METTL8: variants seen among roughly 807,000 people sequenced by gnomAD.
The protein encoded by METTL8 is methyltransferase 8, tRNA N3-cytidine.
Under a neutral mutation model 48.7 loss-of-function variants are expected in METTL8, and 32 were observed. That is an observed-to-expected ratio of 0.66 (90% CI 0.50 to 0.88). The LOEUF is 0.88. METTL8 is among the 40% of genes least tolerant of loss of function. The pLI is 0.00. For missense variants in METTL8, 464 were observed against 474.4 expected, an observed-to-expected ratio of 0.98 and a Z score of 0.20; for synonymous variants, 136 against 157.1, an observed-to-expected ratio of 0.87 and a Z score of 1.01.
chr2:171,361,716 C>A (rs2105475947), intron 2 of METTL8, among the ~76,000 whole-genome samples: 1 of 152,170 alleles, frequency 6.6e-6, no homozygotes, highest in Admixed American at 6.5e-5. Context: ...CAGAATTCAC[C>A]TAGGTTTGTG....
chr2:171,403,180 A>G (rs1022995077), intron 1 of METTL8, among the ~76,000 whole-genome samples: 1 of 152,162 alleles, frequency 6.6e-6, no homozygotes, highest in Non-Finnish European at 1.5e-5. Flanking sequence ...TCAGTGTGGA[A>G]AGGGGGAAAA....
intron 5 of METTL8, 153 bp from the exon 6 acceptor site, chr2:171,332,020 G>T: frequency 1.8e-6 from 1 of 559,368 alleles, no homozygotes; most frequent in Non-Finnish European, 3.2e-6. Context: ...TGAGTAGCTA[G>T]GACTACAGAT....
intron 1 of METTL8, among the ~76,000 whole-genome samples, chr2:171,425,396 A>T (rs1351390250): frequency 1.3e-5 from 2 of 152,194 alleles, no homozygotes; most frequent in Non-Finnish European, 2.9e-5. Flanking sequence ...TGTGAAAATG[A>T]TGGACAGTCA....
upstream of METTL8, chr2:171,434,213 T>G: frequency 2.4e-6 from 1 of 423,130 alleles, no homozygotes; most frequent in Non-Finnish European, 4.8e-6. Context: ...CTGACGGGAA[T>G]TGTAGTTCCT....
intron 2 of METTL8, among the ~76,000 whole-genome samples, chr2:171,364,734 T>C (rs1026008083): frequency 3.9e-5 from 6 of 152,196 alleles, no homozygotes; most frequent in African/African-American, 1.2e-4. Context: ...TTGATAATCT[T>C]ACCTAGAGAA....
At chr2:171,363,808 A>ATATATG (rs2105481217) in intron 2 of METTL8, among the ~76,000 whole-genome samples, 1 of 137,060 alleles carries the variant, frequency 7.3e-6, no homozygotes, top group South Asian at 2.2e-4. Context: ...ATATATATAT[A>ATATATG]TATATATCTT....
intron 5 of METTL8, among the ~76,000 whole-genome samples, chr2:171,336,503 G>A (rs1204530946): frequency 6.9e-6 from 1 of 144,188 alleles, no homozygotes; most frequent in Non-Finnish European, 1.5e-5. Flanking sequence ...CCGGGTTCAC[G>A]CCATTCTCCT....
At chr2:171,400,300 C>T (rs979978117) in intron 1 of METTL8, among the ~76,000 whole-genome samples, 3 of 152,112 alleles carry the variant, frequency 2.0e-5, no homozygotes, top group African/African-American at 7.2e-5. Flanking sequence ...CTTTTTTGAA[C>T]AGCATTATTA....
chr2:171,338,695 C>A (rs910550635), intron 4 of METTL8, among the ~76,000 whole-genome samples: 6 of 151,136 alleles, frequency 4.0e-5, no homozygotes, highest in Non-Finnish European at 8.8e-5. Context: ...GTGGTGAAAT[C>A]CTTTGTTTGT....
chr2:171,335,930 T>TA (rs1272000677), intron 5 of METTL8, among the ~76,000 whole-genome samples: 2 of 151,738 alleles, frequency 1.3e-5, no homozygotes, highest in Non-Finnish European at 2.9e-5. Flanking sequence ...AATGTGAACT[T>TA]AAAAAAAATG....
In METTL8 at chr2:171,426,245, C is replaced by A. The variant is rs1003651128; in HGVS notation, c.-13+7638G>T. Among the ~76,000 whole-genome samples, 24 of 151,816 alleles carry A rather than the reference C, an allele frequency of 1.6e-4. 1 individual carries two copies. Among genetic ancestry groups the A allele is most frequent in the Middle Eastern group, 3.4e-3 (1 of 294 alleles). ...ATAAATTAATTGTAATAAATTTATACAAGGAAATACTACACAGTAGTAAAC... is the reference window on the plus strand; with the variant it reads ...ATAAATTAATTGTAATAAATTTATAAAAGGAAATACTACACAGTAGTAAAC... On this transcript the variant is annotated intron_variant, in intron 1 of 9. Transcript: ENST00000375258.
intron 2 of METTL8, among the ~76,000 whole-genome samples, chr2:171,374,693 TG>T (rs1263213996): frequency 3.1e-5 from 4 of 129,610 alleles, no homozygotes; most frequent in African/African-American, 1.1e-4. Flanking sequence ...TAGCATCCAC[TG>T]ATTTGCCTTC....
chr2:171,411,954 G>A (rs1424386190), intron 1 of METTL8, among the ~76,000 whole-genome samples: 1 of 151,962 alleles, frequency 6.6e-6, no homozygotes, highest in Non-Finnish European at 1.5e-5. Context: ...AGCAGGAAAT[G>A]TGCTAATGCT....
chr2:171,330,473 A>G, intron 7 of METTL8, 86 bp downstream of exon 7: 1 of 1,312,518 alleles, frequency 7.6e-7, no homozygotes, highest in Non-Finnish European at 1.1e-6. Flanking sequence ...AAATTCAAAA[A>G]TTGTCATTTT....
chr2:171,373,751 T>G (rs1021949914), intron 2 of METTL8, among the ~76,000 whole-genome samples: 4 of 152,134 alleles, frequency 2.6e-5, no homozygotes, highest in East Asian at 1.9e-4. Flanking sequence ...TTTCCCCATT[T>G]CTTGTTTTTG....
intron 3 of METTL8, among the ~76,000 whole-genome samples, chr2:171,355,521 AG>A (rs1684433520): frequency 1.3e-5 from 2 of 152,232 alleles, no homozygotes; most frequent in South Asian, 4.1e-4. Flanking sequence ...TTAAGTCTGC[AG>A]AAGCTTCTGC....
At chr2:171,352,164 G>C (rs1474795550) in intron 3 of METTL8, among the ~76,000 whole-genome samples, 2 of 152,174 alleles carry the variant, frequency 1.3e-5, no homozygotes, top group Non-Finnish European at 2.9e-5. Context: ...AGTTGTTTTA[G>C]CAAGAAGGGC....
chr2:171,360,631 T>C (rs891905527), intron 2 of METTL8, 118 bp from the exon 3 acceptor site: 2 of 789,972 alleles, frequency 2.5e-6, no homozygotes, highest in African/African-American at 3.5e-5. Flanking sequence ...ACAGACTAAT[T>C]CCACATGGAA....
At chr2:171,324,553 T>C (rs1171667548) in intron 9 of METTL8, among the ~76,000 whole-genome samples, 191 bp from the exon 10 acceptor site, 1 of 152,170 alleles carries the variant, frequency 6.6e-6, no homozygotes, top group African/African-American at 2.4e-5. Context: ...ACACCATGCA[T>C]ATAAAAATAC....
Sources: gnomAD v4.1 joint callset for allele counts (sites outside exome capture counted in the v4.1 genomes callset) on GRCh38, gnomAD v4.1.1 for gene constraint, MANE v1.5 for transcripts, NCBI Gene and HGNC (gene_info 2026-07-23, HGNC 2026-07-21) for gene names.